Variants in ACTN2 observed in about 807,000 individuals in gnomAD.
ACTN2 encodes the protein actinin alpha 2, also known as alpha-actinin-2.
Under a neutral mutation model 113.8 loss-of-function variants are expected in ACTN2, and 39 were observed. That is an observed-to-expected ratio of 0.34 (90% CI 0.27 to 0.45). ACTN2 has a LOEUF of 0.45. Ranked by LOEUF, ACTN2 falls within the 20% of genes least tolerant of loss-of-function variation. ACTN2 has a pLI of 1.00. For missense variants in ACTN2, 992 were observed against 1,177.9 expected, an observed-to-expected ratio of 0.84 and a Z score of 2.31; for synonymous variants, 429 against 444.1, an observed-to-expected ratio of 0.97 and a Z score of 0.43.
intron 1 of ACTN2, among the ~76,000 whole-genome samples, chr1:236,716,852 T>TTTTC (rs1314582257): frequency 4.0e-5 from 6 of 149,698 alleles, no homozygotes; most frequent in Admixed American, 4.0e-4. Flanking sequence ...TTTTTTTTTT[T>TTTTC]GAGACAGAGT....
At chr1:236,727,114 G>C (rs540286208) in intron 5 of ACTN2, among the ~76,000 whole-genome samples, 1 of 152,046 alleles carries the variant, frequency 6.6e-6, no homozygotes, top group South Asian at 2.1e-4. Flanking sequence ...GAACAGACCA[G>C]AAATAAACAT....
rs780376884 is a variant in ACTN2, at chr1:236,761,125, C to T, written c.2478C>T (p.Asp826=). The T allele has an allele frequency of 6.2e-7, 1 of 1,614,214 alleles. No homozygotes were observed. Among genetic ancestry groups the T allele is most frequent in the Non-Finnish European group, 8.5e-7 (1 of 1,180,040 alleles). The change falls in exon 20 of 21, where the codon GAC becomes GAT. Residue 826 remains aspartate (D), a synonymous_variant. Transcript: ENST00000366578. ...DFMTRETADT[D]TAEQVIASFR... The stretch of plus-strand genomic sequence containing the variant: ...TGACTAGAGAGACGGCTGACACCGA[C>T]ACTGCCGAGCAGGTCATCGCCTCCT...
rs551220728 is a variant in ACTN2 at position 236,699,322 on chromosome 1, A to G, written c.126+12523A>G. Among the ~76,000 whole-genome samples the G allele has an allele frequency of 5.3e-5, 8 of 152,316 alleles. No individual in the cohort carries two copies. The South Asian group carries it at 1.7e-3, about 32-fold the overall frequency. The stretch of plus-strand genomic sequence containing the variant: ...CAACTGGGAATGTCTGATAACAGTG[A>G]GAAAACGGAATTTTGAGGCATGGTC... On this transcript the variant is annotated intron_variant, in intron 1 of 20. Coordinates refer to ENST00000366578, the MANE Select transcript of ACTN2 (RefSeq NM_001103.4).
At chr1:236,747,449 A>G (rs1157264186) in intron 12 of ACTN2, among the ~76,000 whole-genome samples, 3 of 152,196 alleles carry the variant, frequency 2.0e-5, no homozygotes, top group Non-Finnish European at 4.4e-5. Flanking sequence ...CATACATTGT[A>G]TGAAATCACA....
intron 1 of ACTN2, among the ~76,000 whole-genome samples, chr1:236,710,342 A>C (rs1334525876): frequency 6.6e-6 from 1 of 152,276 alleles, no homozygotes; most frequent in East Asian, 1.9e-4. Context: ...TTGTCTCAAC[A>C]ATTCAGTAAG....
intron 4 of ACTN2, among the ~76,000 whole-genome samples, chr1:236,724,826 G>A (rs1391454654): frequency 4.2e-5 from 6 of 144,248 alleles, no homozygotes; most frequent in African/African-American, 1.5e-4. Context: ...CACAGATGGT[G>A]CTGGGTTTTT....
At chr1:236,715,333 G>C (rs1433644209) in intron 1 of ACTN2, among the ~76,000 whole-genome samples, 8 of 115,896 alleles carry the variant, frequency 6.9e-5, no homozygotes, top group African/African-American at 2.8e-4. Flanking sequence ...ACCACTTGAA[G>C]TTTTATACCA....
At chr1:236,716,635 G>T (rs1429712793) in intron 1 of ACTN2, among the ~76,000 whole-genome samples, 1 of 151,920 alleles carries the variant, frequency 6.6e-6, no homozygotes, top group Non-Finnish European at 1.5e-5. Flanking sequence ...CTTGGAATAT[G>T]CTTGTAGGAG....
chr1:236,724,508 G>A (rs979206972), intron 4 of ACTN2, among the ~76,000 whole-genome samples: 5 of 152,220 alleles, frequency 3.3e-5, no homozygotes, highest in African/African-American at 9.6e-5. Context: ...CACCTGGGCC[G>A]AGAAGAGGAA....
At chr1:236,695,401 A>C (rs1657459735) in intron 1 of ACTN2, among the ~76,000 whole-genome samples, 1 of 147,832 alleles carries the variant, frequency 6.8e-6, no homozygotes, top group African/African-American at 2.5e-5. Flanking sequence ...AAGTTAAGAG[A>C]TGTGCTGTGT....
intron 4 of ACTN2, among the ~76,000 whole-genome samples, chr1:236,722,718 G>T (rs535871891): frequency 6.6e-6 from 1 of 152,142 alleles, no homozygotes; most frequent in Admixed American, 6.5e-5. Flanking sequence ...AGATGATGGA[G>T]CTCCTTGGGG....
chr1:236,711,742 G>A (rs1329931881), intron 1 of ACTN2, among the ~76,000 whole-genome samples: 4 of 152,100 alleles, frequency 2.6e-5, no homozygotes, highest in Admixed American at 1.3e-4. Context: ...AACTTTTTAT[G>A]TGCCTACTTT....
intron 7 of ACTN2, among the ~76,000 whole-genome samples, chr1:236,731,852 T>C (rs1040668330): frequency 6.6e-6 from 1 of 152,230 alleles, no homozygotes; most frequent in Non-Finnish European, 1.5e-5. Flanking sequence ...CTGAAAGAAC[T>C]TCCATATATT....
chr1:236,748,182 C>T (rs768474362), intron 13 of ACTN2: 13 of 245,710 alleles, frequency 5.3e-5, no homozygotes, highest in East Asian at 1.0e-4. Flanking sequence ...AGAATTGGGA[C>T]GAATTTGGCC....
At position 236,760,954 on chromosome 1, in the gene ACTN2, A is replaced by G. The variant is rs542912388; in HGVS notation, c.2368-61A>G. ...GGCATGTCACCAGGGAAAGAATGAA[A>G]ACGGCTCTGTTGAGAGTTGTGTACC... On this transcript the variant is annotated intron_variant, in intron 19 of 20. Coordinates refer to ENST00000366578, the MANE Select transcript of ACTN2 (RefSeq NM_001103.4). 2.0e-5 allele frequency: 32 copies of G among 1,603,576 alleles called. No individual in the cohort carries two copies. In the African/African-American group the frequency reaches 3.9e-4, roughly 19 times the overall value.
chr1:236,715,300 C>A, intron 1 of ACTN2, among the ~76,000 whole-genome samples: 1 of 92,084 alleles, frequency 1.1e-5, no homozygotes, highest in Admixed American at 1.6e-4. Flanking sequence ...AATCCTATCC[C>A]TCCCCCCTCC....
chr1:236,692,154 A>C (rs1572091328), intron 1 of ACTN2, among the ~76,000 whole-genome samples: 1 of 152,362 alleles, frequency 6.6e-6, no homozygotes, highest in East Asian at 1.9e-4. Flanking sequence ...GATTAGAACA[A>C]GGGGGCTGTT....
chr1:236,715,308 T>TC (rs142318378), intron 1 of ACTN2, among the ~76,000 whole-genome samples: 9,862 of 93,784 alleles, frequency 0.11, 1,060 homozygotes, highest in African/African-American at 0.29. Context: ...CCCTCCCCCC[T>TC]CCCCCCACCC....
chr1:236,695,212 C>A (rs1244269875), intron 1 of ACTN2, among the ~76,000 whole-genome samples: 205 of 129,876 alleles, frequency 1.6e-3, no homozygotes, highest in South Asian at 2.0e-3. Context: ...ACTAAAAATA[C>A]AAAAAAAAAA....
Sources: gnomAD v4.1 joint callset for allele counts (sites outside exome capture counted in the v4.1 genomes callset) on GRCh38, gnomAD v4.1.1 for gene constraint, MANE v1.5 for transcripts, NCBI Gene and HGNC (gene_info 2026-07-23, HGNC 2026-07-21) for gene names.